The following DYM variants were observed in gnomAD, a reference collection of about 807,000 sequenced individuals.
The protein encoded by DYM is dyggve-Melchior-Clausen syndrome protein.
A neutral mutation model predicts 93.1 loss-of-function variants in DYM; 78 were observed. The observed-to-expected ratio is 0.84, with a 90% confidence interval of 0.70 to 1.01. DYM has a LOEUF of 1.01. DYM is among the 50% of genes least tolerant of loss of function. The pLI, the probability that DYM is intolerant of heterozygous loss-of-function variation, is 0.00. For missense variants in DYM, 789 were observed against 845.0 expected (o/e 0.93, Z 0.82); for synonymous variants, 321 against 319.7 (o/e 1.00, Z -0.04).
intron 1 of DYM, among the ~76,000 whole-genome samples, chr18:49,432,772 C>G (rs1037425763): frequency 2.0e-5 from 3 of 151,814 alleles, no homozygotes; most frequent in African/African-American, 7.3e-5. Flanking sequence ...GCCACCAAAG[C>G]CCAGCTAATA....
At chr18:49,291,124 TTTTTA>T (rs1311848091) in intron 8 of DYM, among the ~76,000 whole-genome samples, 1 of 152,196 alleles carries the variant, frequency 6.6e-6, no homozygotes, top group African/African-American at 2.4e-5. Context: ...ATATACATAT[TTTTTA>T]TTACTTATTA....
chr18:49,082,782 T>G (rs1407086483), intron 17 of DYM, among the ~76,000 whole-genome samples: 1 of 152,220 alleles, frequency 6.6e-6, no homozygotes, highest in Non-Finnish European at 1.5e-5. Flanking sequence ...TACATTTGAT[T>G]TCTTTATCTT....
intron 10 of DYM, among the ~76,000 whole-genome samples, chr18:49,281,778 G>A (rs2094986016): frequency 6.6e-6 from 1 of 152,116 alleles, no homozygotes; most frequent in African/African-American, 2.4e-5. Context: ...ACAGGAAGGG[G>A]AACATCACAC....
At chr18:49,087,295 C>A (rs1034816548) in intron 17 of DYM, among the ~76,000 whole-genome samples, 6 of 152,164 alleles carry the variant, frequency 3.9e-5, no homozygotes, top group Admixed American at 2.6e-4. Context: ...TATCACTTTT[C>A]AATTAAGTGT....
intron 17 of DYM, among the ~76,000 whole-genome samples, chr18:49,077,005 C>T (rs1310580637): frequency 2.0e-5 from 3 of 152,190 alleles, no homozygotes; most frequent in Non-Finnish European, 2.9e-5. Flanking sequence ...GGGAGCTTCA[C>T]AGGAGGACTT....
intron 5 of DYM, among the ~76,000 whole-genome samples, chr18:49,373,082 T>C (rs1369899203): frequency 3.3e-5 from 5 of 152,116 alleles, no homozygotes; most frequent in African/African-American, 1.2e-4. Flanking sequence ...ATCTCTAAAA[T>C]GCATCAATTC....
chr18:49,397,712 C>T (rs981923480), intron 2 of DYM, among the ~76,000 whole-genome samples: 1 of 152,106 alleles, frequency 6.6e-6, no homozygotes. Context: ...TTAGTTCTAG[C>T]CATGTGTAAT....
At chr18:49,080,312 C>G (rs572840365) in intron 17 of DYM, among the ~76,000 whole-genome samples, 78 of 137,008 alleles carry the variant, frequency 5.7e-4, no homozygotes, top group African/African-American at 2.1e-3. Context: ...ACCTCCCGGA[C>G]GGGGTGGCTG....
At chr18:49,296,752 A>C (rs1486595759) in intron 8 of DYM, among the ~76,000 whole-genome samples, 1 of 152,198 alleles carries the variant, frequency 6.6e-6, no homozygotes, top group Non-Finnish European at 1.5e-5. Flanking sequence ...CCTTGCTTAG[A>C]AAATTCTTCA....
intron 8 of DYM, among the ~76,000 whole-genome samples, chr18:49,293,131 C>T (rs1384522228): frequency 6.6e-6 from 1 of 152,166 alleles, no homozygotes; most frequent in Non-Finnish European, 1.5e-5. Context: ...CCAGCTTCAT[C>T]CATGTCCCTG....
chr18:49,260,354 C>A (rs2094470361), intron 11 of DYM, among the ~76,000 whole-genome samples: 1 of 152,198 alleles, frequency 6.6e-6, no homozygotes, highest in African/African-American at 2.4e-5. Flanking sequence ...TGCACTCCAG[C>A]CTGGGCGTAG....
chr18:49,321,925 C>T (rs1405244245), intron 8 of DYM, among the ~76,000 whole-genome samples: 1 of 151,970 alleles, frequency 6.6e-6, no homozygotes, highest in Non-Finnish European at 1.5e-5. Context: ...TTTCTGATTG[C>T]CACATACTTT....
chr18:49,127,523 G>A (rs182012325), intron 15 of DYM, among the ~76,000 whole-genome samples: 2 of 152,298 alleles, frequency 1.3e-5, no homozygotes, highest in Non-Finnish European at 2.9e-5. Flanking sequence ...GGGATTCCAA[G>A]AGAGTTGTCT....
At chr18:49,331,761 A>T (rs1314303561) in intron 8 of DYM, 103 bp downstream of exon 8, 1 of 1,255,828 alleles carries the variant, frequency 8.0e-7, no homozygotes, top group Non-Finnish European at 1.2e-6. Flanking sequence ...GCACAAATTC[A>T]ATGTAACTAT....
intron 1 of DYM, among the ~76,000 whole-genome samples, chr18:49,452,846 C>A (rs921758973): frequency 7.5e-6 from 1 of 133,948 alleles, no homozygotes; most frequent in Admixed American, 7.2e-5. Context: ...CTTGGAGAAC[C>A]TTTATGTCTA....
At chr18:49,255,688 AG>A (rs2094379951) in intron 13 of DYM, among the ~76,000 whole-genome samples, 1 of 149,826 alleles carries the variant, frequency 6.7e-6, no homozygotes, top group Non-Finnish European at 1.5e-5. Context: ...AAAAAAAAAA[AG>A]AAGAAGAGAA....
At chr18:49,417,211 C>T (rs1249395621) in intron 2 of DYM, among the ~76,000 whole-genome samples, 3 of 151,912 alleles carry the variant, frequency 2.0e-5, no homozygotes, top group Admixed American at 6.6e-5. Context: ...AAGCATTGGC[C>T]TGACCATAGT....
chr18:49,422,729 A>G (rs918890568), intron 2 of DYM, among the ~76,000 whole-genome samples: 4 of 152,164 alleles, frequency 2.6e-5, no homozygotes, highest in African/African-American at 7.2e-5. Flanking sequence ...AAAACAAAAA[A>G]CAGCAGGGGT....
intron 2 of DYM, chr18:49,412,913 A>G (rs1020569368): frequency 1.3e-5 from 2 of 152,238 alleles, no homozygotes; most frequent in Admixed American, 6.5e-5. Flanking sequence ...CTCTGCTTAA[A>G]AAGAGAGAAG....
Sources: allele counts gnomAD v4.1 joint callset (sites outside exome capture counted in the v4.1 genomes callset), GRCh38; gene constraint gnomAD v4.1.1; transcripts MANE v1.5; gene names NCBI Gene and HGNC (gene_info 2026-07-23, HGNC 2026-07-21).